The following UGCG variants were observed in gnomAD, a reference collection of about 807,000 sequenced individuals.
The protein encoded by UGCG is UDP-glucose ceramide glucosyltransferase.
UGCG carries 10 observed loss-of-function variants against 49.5 expected under a neutral mutation model. The observed-to-expected ratio is 0.20, with a 90% CI of 0.12 to 0.34. UGCG has a LOEUF of 0.34. Ranked by LOEUF, UGCG falls within the 10% of genes least tolerant of loss-of-function variation. UGCG has a pLI of 1.00. For synonymous variants in UGCG, 182 were observed against 158.2 expected (o/e 1.15, Z -1.13); for missense variants, 312 against 483.7 (o/e 0.65, Z 3.33).
intron 1 of UGCG, among the ~76,000 whole-genome samples, chr9:111,899,143 G>C (rs1837721018): frequency 1.3e-5 from 2 of 152,136 alleles, no homozygotes; most frequent in Non-Finnish European, 2.9e-5. Flanking sequence ...AATTTATCTA[G>C]ATTACAAAGA....
chr9:111,931,188 TATA>T, intron 6 of UGCG, 80 bp from the exon 7 acceptor site: 1 of 1,377,510 alleles, frequency 7.3e-7, no homozygotes, highest in Non-Finnish European at 1.0e-6. Context: ...GCCTGGTCTT[TATA>T]ATGATTACTG....
intron 1 of UGCG, among the ~76,000 whole-genome samples, chr9:111,911,941 TA>T (rs1564199960): frequency 1.9e-4 from 9 of 46,622 alleles, no homozygotes; most frequent in African/African-American, 8.2e-4. Context: ...TATATATATA[TA>T]TATATATATA....
rs1309258503 is a variant in UGCG at position 111,929,529 on chromosome 9, C to T, written c.588C>T (p.Tyr196=). The T allele has an allele frequency of 6.2e-7, 1 of 1,613,742 alleles. No homozygotes were observed. The highest frequency in any genetic ancestry group is 1.1e-5 in the South Asian group (1 of 90,960). The part of the protein sequence containing the change: ...QVYFGTSHPR[Y]YISANVTGFK... ...ATTTTGGAACTTCACATCCAAGATA[C>T]TATATCTCTGCCAATGTAACTGGTT... The change falls in exon 6 of 9, where the codon TAC becomes TAT. Residue 196 remains tyrosine (Y), a synonymous_variant. Coordinates refer to ENST00000374279, the MANE Select transcript of UGCG (RefSeq NM_003358.3).
chr9:111,914,959 C>T (rs778314108), intron 2 of UGCG: 7 of 522,158 alleles, frequency 1.3e-5, no homozygotes, highest in South Asian at 4.2e-5. Flanking sequence ...CCTATATGTC[C>T]GTGTGAAGTA....
chr9:111,933,010 G>C lies in UGCG; in HGVS notation c.*13G>C. ...CCTAGATGTATAACTACAGCTTTGT[G>C]ACTGTATATAAAGGAAAAAAGAGAA... On this transcript the variant is annotated 3_prime_UTR_variant, in exon 9 of 9. Transcript: ENST00000374279. 6.5e-7 allele frequency: 1 copy of C among 1,527,182 alleles called. No individual in the cohort carries two copies. Among genetic ancestry groups the C allele is most frequent in the South Asian group, 1.4e-5 (1 of 73,014 alleles). 94.6% of individuals were successfully genotyped at this position (1,527,182 alleles called of 1,614,324 possible). A position where few individuals can be genotyped will look rare whatever the true frequency, so the allele number is the denominator to read the frequency against.
intron 1 of UGCG, among the ~76,000 whole-genome samples, chr9:111,902,939 C>T (rs529753985): frequency 2.1e-4 from 32 of 152,188 alleles, no homozygotes; most frequent in African/African-American, 5.8e-4. Flanking sequence ...CACCACACCC[C>T]GCTAATTTTT....
intron 4 of UGCG, among the ~76,000 whole-genome samples, chr9:111,925,819 A>G (rs1292319836): frequency 3.3e-5 from 5 of 152,264 alleles, no homozygotes; most frequent in African/African-American, 7.2e-5. Context: ...CTATGAGTTA[A>G]TCAAGACCAT....
intron 1 of UGCG, among the ~76,000 whole-genome samples, chr9:111,910,982 A>G (rs181242021): frequency 7.9e-5 from 12 of 152,244 alleles, no homozygotes; most frequent in African/African-American, 2.6e-4. Flanking sequence ...CCTGACCTCA[A>G]GTGATCCACC....
chr9:111,919,986 G>T (rs1838191384), intron 2 of UGCG, among the ~76,000 whole-genome samples: 1 of 152,072 alleles, frequency 6.6e-6, no homozygotes, highest in Non-Finnish European at 1.5e-5. Context: ...ATATTGTTTT[G>T]AGAGTCTGGA....
At chr9:111,916,712 C>A (rs867539658) in intron 2 of UGCG, among the ~76,000 whole-genome samples, 2 of 151,850 alleles carry the variant, frequency 1.3e-5, no homozygotes, top group Non-Finnish European at 2.9e-5. Flanking sequence ...GCAATCCCCC[C>A]ACCTCAGCCT....
At chr9:111,925,890 T>C (rs866987438) in intron 4 of UGCG, among the ~76,000 whole-genome samples, 2 of 152,226 alleles carry the variant, frequency 1.3e-5, no homozygotes, top group African/African-American at 4.8e-5. Context: ...TCTTAAATTA[T>C]TTACTATCAT....
Position 111,896,920 on chromosome 9 carries a change from T to G in UGCG, c.-296T>G. ...AGGGTCTGGTGGGCGGCCGCGAGGC[T>G]CGGGAGAGGCGAACCGGAGCGCGGG... On this transcript the variant is annotated 5_prime_UTR_variant, in exon 1 of 9. Transcript: ENST00000374279. 5.8e-6 allele frequency: 1 copy of G among 172,676 alleles called. No homozygotes were observed. Among genetic ancestry groups the G allele is most frequent in the Non-Finnish European group, 1.2e-5 (1 of 82,670 alleles). 10.7% of individuals were successfully genotyped at this position (172,676 alleles called of 1,614,324 possible). A position where few individuals can be genotyped will look rare whatever the true frequency, so the allele number is the denominator to read the frequency against.
At chr9:111,907,537 G>A (rs1254159654) in intron 1 of UGCG, among the ~76,000 whole-genome samples, 1 of 151,958 alleles carries the variant, frequency 6.6e-6, no homozygotes, top group Non-Finnish European at 1.5e-5. Flanking sequence ...TTTTTTAATA[G>A]ATACCAGACA....
At chr9:111,911,269 T>G (rs1216588448) in intron 1 of UGCG, among the ~76,000 whole-genome samples, 1 of 152,140 alleles carries the variant, frequency 6.6e-6, no homozygotes, top group East Asian at 1.9e-4. Flanking sequence ...TAGCACTCAG[T>G]CACTGAAGAG....
At chr9:111,921,802 A>ATTTTTTTTTTTTTTTTT in intron 2 of UGCG, among the ~76,000 whole-genome samples, 985 of 55,524 alleles carry the variant, frequency 0.018, 233 homozygotes, top group Non-Finnish European at 0.023. Flanking sequence ...CCCCAGGGTG[A>ATTTTTTTTTTTTTTTTT]TTTTTTTTTT....
intron 1 of UGCG, 59 bp from the exon 2 acceptor site, chr9:111,914,546 G>T: frequency 6.6e-7 from 1 of 1,516,462 alleles, no homozygotes; most frequent in Non-Finnish European, 9.0e-7. Context: ...GCTTGTCAGT[G>T]CTTTGATTTG....
chr9:111,917,556 A>G (rs893475660), intron 2 of UGCG, among the ~76,000 whole-genome samples: 10 of 152,238 alleles, frequency 6.6e-5, no homozygotes, highest in Non-Finnish European at 1.2e-4. Context: ...TTTCTCTTCT[A>G]ATATTCGATT....
rs934035917 is a variant in UGCG at position 111,924,784 on chromosome 9, A to G, written c.351A>G (p.Lys117=). The G allele has an allele frequency of 1.3e-6, 2 of 1,523,504 alleles. No homozygotes were observed. The highest frequency in any genetic ancestry group is 1.8e-6 in the Non-Finnish European group (2 of 1,142,838). The allele number at this position is 1,523,504 out of a possible 1,614,324, so 94.4% of individuals were successfully genotyped here. A position where few individuals can be genotyped will look rare whatever the true frequency, so the allele number is the denominator to read the frequency against. Residue 117 remains lysine (K), a synonymous_variant, in exon 4 of 9, where the codon AAA becomes AAG. Coordinates refer to ENST00000374279, the MANE Select transcript of UGCG (RefSeq NM_003358.3). ...NVDARLFIGG[K]KVGINPKINN... ...GTACCTTTACATTTTTAGGTGGCAA[A>G]AAAGTTGGCATTAATCCTAAAATTA...
chr9:111,916,271 TAG>T (rs1838108228), intron 2 of UGCG, among the ~76,000 whole-genome samples: 1 of 152,208 alleles, frequency 6.6e-6, no homozygotes, highest in Non-Finnish European at 1.5e-5. Flanking sequence ...GAGCATAGCT[TAG>T]AGTCATATGC....
Sources: allele counts gnomAD v4.1 joint callset (sites outside exome capture counted in the v4.1 genomes callset), GRCh38; gene constraint gnomAD v4.1.1; transcripts MANE v1.5; gene names NCBI Gene and HGNC (gene_info 2026-07-23, HGNC 2026-07-21).